NCAPH2: variants seen among roughly 807,000 people sequenced by gnomAD.
NCAPH2 encodes non-SMC condensin II complex subunit H2.
Under a neutral mutation model 88.6 loss-of-function variants are expected in NCAPH2, and 56 were observed. The ratio of observed to expected loss-of-function variants is 0.63; its 90% CI spans 0.51 to 0.79. NCAPH2 has a LOEUF of 0.79. Ranked by LOEUF, NCAPH2 falls within the 30% of genes least tolerant of loss-of-function variation. NCAPH2 has a pLI of 0.00. For synonymous variants in NCAPH2, 378 were observed against 313.6 expected (o/e 1.21, Z -2.17); for missense variants, 794 against 792.0 (o/e 1.00, Z -0.03).
rs1268867919 is a variant in NCAPH2 at position 50,518,031 on chromosome 22, A to G, written c.479A>G (p.Lys160Arg). Residue 160 changes from lysine to arginine, a missense_variant, in exon 6 of 20, where the codon AAG (lysine) becomes AGG (arginine). Around this residue, in one of 2 missense-constraint regions of NCAPH2, gnomAD observed 735 missense variants for 696.3 expected, o/e 1.06. Transcript: ENST00000420993. ...MALVAPDEME[K>R]NNNPLYSRQG... is the part of the protein sequence containing the mutation. ...CTGGTGGCCCCTGATGAAATGGAGA[A>G]GAACAACAATCCCCTGTACAGGTAG... The G allele has an allele frequency of 6.2e-7, 1 of 1,613,948 alleles. No individual in the cohort carries two copies. The highest frequency in any genetic ancestry group is 2.2e-5 in the East Asian group (1 of 44,888).
Position 50,519,220 on chromosome 22 carries a change from G to A in NCAPH2, c.761G>A (p.Gly254Asp), listed in dbSNP as rs1350763799. Reference protein sequence around the residue: ...GPSPEGPMPLGGGEDEDAEEA... With the variant: ...GPSPEGPMPLDGGEDEDAEEA... ...TCTCCAGAAGGCCCGATGCCCCTGG[G>A]TGGGGGCGAGGACGAGGATGCAGAG... Residue 254 changes from glycine (G) to aspartate (D), a missense_variant, in exon 9 of 20, where the codon GGT (glycine) becomes GAT (aspartate). Physicochemically the swap from Gly to Asp is moderately conservative, Grantham distance 94 (BLOSUM62 -1). This residue lies in a region of NCAPH2 where 735 missense variants were observed against 696.3 expected (regional missense o/e 1.06). Transcript: ENST00000420993. The A allele has an allele frequency of 1.9e-6, 3 of 1,610,798 alleles. No individual in the cohort carries two copies. The South Asian group carries it at 3.3e-5, about 18-fold the overall frequency.
intron 1 of NCAPH2, chr22:50,515,867 C>G: frequency 8.4e-7 from 1 of 1,189,000 alleles, no homozygotes; most frequent in East Asian, 5.8e-5. Flanking sequence ...GAGAGCTGGT[C>G]GGGTTGGGTT....
chr22:50,522,111 C>T, intron 13 of NCAPH2, 70 bp from the exon 14 acceptor site: 1 of 1,612,638 alleles, frequency 6.2e-7, no homozygotes, highest in Admixed American at 1.7e-5. Flanking sequence ...TGGTGTCACC[C>T]AAAGCCTTGG....
chr22:50,519,694 T>G, intron 9 of NCAPH2: 3 of 1,085,166 alleles, frequency 2.8e-6, no homozygotes, highest in Non-Finnish European at 2.2e-6. Context: ...GGGTCAACTG[T>G]ACCCAGCCTA....
In NCAPH2 at chr22:50,524,609, C is replaced by T. The variant is rs2069250388; in HGVS notation, c.*1234C>T. The T allele has an allele frequency of 1.4e-6, 1 of 715,738 alleles. No individual in the cohort carries two copies. The highest frequency in any genetic ancestry group is 2.6e-6 in the Non-Finnish European group (1 of 385,520). The allele number at this position is 715,738 out of a possible 1,614,324, so 44.3% of individuals were successfully genotyped here. Reference sequence around the variant, plus strand: ...CCACCAAACATCCACACCTGGGCAACCACACCTGTCACTCCTGTCCTCTAC... The same window carrying T: ...CCACCAAACATCCACACCTGGGCAATCACACCTGTCACTCCTGTCCTCTAC... On this transcript the variant is annotated 3_prime_UTR_variant, in exon 20 of 20. Coordinates refer to ENST00000420993, the MANE Select transcript of NCAPH2 (RefSeq NM_152299.4).
rs973626669 is a variant in NCAPH2, at chr22:50,523,479, C to T, written c.*104C>T. 3.9e-6 allele frequency: 6 copies of T among 1,532,144 alleles called. No homozygotes were observed. Among genetic ancestry groups the T allele is most frequent in the Non-Finnish European group, 4.4e-6 (5 of 1,136,340 alleles). 94.9% of individuals were successfully genotyped at this position (1,532,144 alleles called of 1,614,324 possible). On this transcript the variant is annotated 3_prime_UTR_variant, in exon 20 of 20. Transcript: ENST00000420993. Reference sequence around the variant, plus strand: ...AAGCAGTGTTGCCATCTCATCTTCCCCCTAAAAACCCTTTTATGTACACCT... The same window carrying T: ...AAGCAGTGTTGCCATCTCATCTTCCTCCTAAAAACCCTTTTATGTACACCT...
rs765646318 is a variant in NCAPH2 at position 50,523,566 on chromosome 22, G to T, written c.*191G>T. 4 of 1,597,852 alleles carry T rather than the reference G, an allele frequency of 2.5e-6. No individual in the cohort carries two copies. Among genetic ancestry groups the T allele is most frequent in the South Asian group, 1.1e-5 (1 of 90,328 alleles). ...CTGGTACAGATCACACACACACACA[G>T]ATTAAACGCAGCCCGTTTAATGATG... On this transcript the variant is annotated 3_prime_UTR_variant, in exon 20 of 20. Coordinates refer to ENST00000420993, the MANE Select transcript of NCAPH2 (RefSeq NM_152299.4).
intron 1 of NCAPH2, among the ~76,000 whole-genome samples, chr22:50,515,972 G>A (rs1397284121): frequency 6.6e-6 from 1 of 150,842 alleles, no homozygotes; most frequent in Admixed American, 6.6e-5. Flanking sequence ...CGTTTAAGGG[G>A]TGACAGAGGA....
At position 50,522,351 on chromosome 22, in the gene NCAPH2, G is replaced by A. The variant is rs989112751; in HGVS notation, c.1242G>A (p.Glu414=). 14 of 1,605,522 alleles carry A rather than the reference G, an allele frequency of 8.7e-6. No homozygotes were observed. The highest frequency in any genetic ancestry group is 1.1e-5 in the South Asian group (1 of 89,750). Residue 414 remains glutamate (E), a synonymous_variant, in exon 15 of 20, where the codon GAG becomes GAA. Coordinates refer to ENST00000420993, the MANE Select transcript of NCAPH2 (RefSeq NM_152299.4). Reference sequence around the variant, plus strand: ...ATGCTTTCTCTGGACAGGTGGCTGAGCAGTGGCTGCGGCCTGCAGAGGAGG... The same window carrying A: ...ATGCTTTCTCTGGACAGGTGGCTGAACAGTGGCTGCGGCCTGCAGAGGAGG... ...LRKLQRREVA[E]QWLRPAEEDH... is the part of the protein sequence containing the mutation.
chr22:50,516,027 C>G (rs548481976), intron 1 of NCAPH2, among the ~76,000 whole-genome samples: 2 of 152,190 alleles, frequency 1.3e-5, no homozygotes, highest in South Asian at 2.1e-4. Flanking sequence ...AGGATGGCGA[C>G]TCACCTGTAA....
In NCAPH2 at chr22:50,518,047, G is replaced by A. The variant is rs773309822; in HGVS notation, c.495G>A (p.Leu165=). 1.2e-6 allele frequency: 2 copies of A among 1,614,062 alleles called. No individual in the cohort carries two copies. The highest frequency in any genetic ancestry group is 1.7e-6 in the Non-Finnish European group (2 of 1,179,970). The change falls in exon 6 of 20, where the codon CTG becomes CTA. Residue 165 remains leucine (L), a synonymous_variant. Coordinates refer to ENST00000420993, the MANE Select transcript of NCAPH2 (RefSeq NM_152299.4). ...PDEMEKNNNP[L]YSRQGEVLAS... is the part of the protein sequence containing the mutation. ...AAATGGAGAAGAACAACAATCCCCTGTACAGGTAGGGATCTGAGCCCAGCG... is the reference window on the plus strand; with the variant it reads ...AAATGGAGAAGAACAACAATCCCCTATACAGGTAGGGATCTGAGCCCAGCG...
At chr22:50,519,112 A>AG (rs2069009515) in intron 8 of NCAPH2, 78 bp from the exon 9 acceptor site, 1 of 1,345,010 alleles carries the variant, frequency 7.4e-7, no homozygotes, top group South Asian at 1.5e-5. Flanking sequence ...TGAGGGAGGA[A>AG]GTAGCCATCA....
Position 50,520,979 on chromosome 22 carries a change from C to G in NCAPH2, c.876C>G (p.Pro292=), listed in dbSNP as rs1311328673. Residue 292 remains proline (P), a synonymous_variant, in exon 10 of 20, where the codon CCC becomes CCG. Coordinates refer to ENST00000420993, the MANE Select transcript of NCAPH2 (RefSeq NM_152299.4). ...SRSPQQSAAL[P]RRYMLREREG... The stretch of plus-strand genomic sequence containing the variant: ...TGTCTTTGCAGAGTGCTGCCCTGCC[C>G]AGGAGGTACATGCTGCGGGAGCGGG... 1 of 1,551,118 alleles carries G rather than the reference C, an allele frequency of 6.4e-7. No homozygotes were observed. Among genetic ancestry groups the G allele is most frequent in the Non-Finnish European group, 8.7e-7 (1 of 1,146,980 alleles).
In NCAPH2 at chr22:50,512,556, TG is replaced by T. The variant is rs1451069143; in HGVS notation, c.109-3890del. Among the ~76,000 whole-genome samples, 152 of 148,244 alleles carry T rather than the reference TG, an allele frequency of 1.0e-3. 1 individual carries two copies. In the Middle Eastern group the frequency reaches 0.014, roughly 13 times the overall value. ...TTTTTGTCCTTTGTTTTTTTTTTTT[TG>T]TTTTTTTTTTTTAGATAGGTTCTTG... On this transcript the variant is annotated intron_variant, in intron 1 of 19. Transcript: ENST00000420993.
In NCAPH2 at chr22:50,512,660, C is replaced by T. The variant is rs569201707; in HGVS notation, c.109-3787C>T. On this transcript the variant is annotated intron_variant, in intron 1 of 19. Transcript: ENST00000420993. ...CGATCTCCCAGGCTCAAGTGATCCT[C>T]CCATCTCCCAAGTAGCTGGGACTGC... 4.0e-5 allele frequency among the ~76,000 whole-genome samples: 6 copies of T among 151,300 alleles called. 1 individual carries two copies. Among genetic ancestry groups the T allele is most frequent in the African/African-American group, 1.5e-4 (6 of 41,302 alleles).
Position 50,517,727 on chromosome 22 carries a change from C to G in NCAPH2, c.352-14C>G, listed in dbSNP as rs779966401. 9 of 1,613,978 alleles carry G rather than the reference C, an allele frequency of 5.6e-6. No homozygotes were observed. Among genetic ancestry groups the G allele is most frequent in the Non-Finnish European group, 6.8e-6 (8 of 1,180,038 alleles). Reference sequence around the variant, plus strand: ...TGCCTGGGCTCCGCCCCCACGAGCTCTGTCTCCCTCCAGTTCCTGTCGCTG... The same window carrying G: ...TGCCTGGGCTCCGCCCCCACGAGCTGTGTCTCCCTCCAGTTCCTGTCGCTG... On this transcript the variant is annotated splice_polypyrimidine_tract_variant and intron_variant, in intron 4 of 19. Coordinates refer to ENST00000420993, the MANE Select transcript of NCAPH2 (RefSeq NM_152299.4).
In NCAPH2 at chr22:50,518,675, A is replaced by G. The variant is rs750500356; in HGVS notation, c.673A>G (p.Met225Val). Residue 225 changes from methionine to valine, a missense_variant, in exon 8 of 20, where the codon ATG becomes GTG. Met to Val is a conservative substitution (Grantham distance 21, BLOSUM62 1). This residue lies in a region of NCAPH2 where 735 missense variants were observed against 696.3 expected (regional missense o/e 1.06). Transcript: ENST00000420993. ...KDTGRTEEQP[M>V]EVSVCRSPVP... ...CACCGGGAGGACTGAGGAGCAGCCA[A>G]TGGAAGTTTCCGTGTGCAGGAGCCC... 1.7e-5 allele frequency: 27 copies of G among 1,609,470 alleles called. No homozygotes were observed. In the Admixed American group the frequency reaches 2.2e-4, roughly 13 times the overall value.
In NCAPH2 at chr22:50,523,853, T is replaced by C. The variant is rs905739470; in HGVS notation, c.*478T>C. 2.5e-6 allele frequency: 4 copies of C among 1,613,984 alleles called. No individual in the cohort carries two copies. In the Admixed American group the frequency reaches 6.7e-5, roughly 27 times the overall value. On this transcript the variant is annotated 3_prime_UTR_variant, in exon 20 of 20. Transcript: ENST00000420993. Reference sequence around the variant, plus strand: ...GTGGAGCCGGTCAGACCCAACAGTCTTGGGTGGAAGTCCTGGACGTAGCGG... The same window carrying C: ...GTGGAGCCGGTCAGACCCAACAGTCCTGGGTGGAAGTCCTGGACGTAGCGG...
chr22:50,515,909 G>A, intron 1 of NCAPH2: 1 of 736,704 alleles, frequency 1.4e-6, no homozygotes, highest in Non-Finnish European at 1.9e-6. Flanking sequence ...TGGCAGCTTG[G>A]GCATGGGATG....
Sources: allele counts gnomAD v4.1 joint callset (sites outside exome capture counted in the v4.1 genomes callset), GRCh38; gene constraint gnomAD v4.1.1; regional missense constraint gnomAD v4.1.1; transcripts MANE v1.5; gene names NCBI Gene and HGNC (gene_info 2026-07-23, HGNC 2026-07-21).